GRIA4: variants seen among roughly 807,000 people sequenced by gnomAD.
The protein encoded by GRIA4 is glutamate receptor 4.
Under a neutral mutation model 104.0 loss-of-function variants are expected in GRIA4, and 34 were observed. That is an observed-to-expected ratio of 0.33 (90% CI 0.25 to 0.44). The LOEUF is 0.44. Ranked by LOEUF, GRIA4 falls within the 20% of genes least tolerant of loss-of-function variation. GRIA4 has a pLI of 1.00. For missense variants in GRIA4, 750 were observed against 1,096.5 expected (o/e 0.68, Z 4.46); for synonymous variants, 386 against 381.9 (o/e 1.01, Z -0.13).
intron 14 of GRIA4, among the ~76,000 whole-genome samples, chr11:105,951,808 A>C (rs774569325): frequency 1.3e-4 from 19 of 151,982 alleles, no homozygotes; most frequent in Non-Finnish European, 1.5e-5. Context: ...ATATACAAAA[A>C]TTAGCTGGGT....
chr11:105,630,487 C>T (rs886597217), intron 3 of GRIA4, among the ~76,000 whole-genome samples: 1 of 152,056 alleles, frequency 6.6e-6, no homozygotes, highest in Non-Finnish European at 1.5e-5. Flanking sequence ...TCGCTTGAAC[C>T]TGGGAGGCCA....
At chr11:105,894,564 T>C (rs1167043424) in intron 6 of GRIA4, among the ~76,000 whole-genome samples, 1 of 152,146 alleles carries the variant, frequency 6.6e-6, no homozygotes, top group South Asian at 2.1e-4. Flanking sequence ...GCCAGTAGAC[T>C]GATATATTTT....
At chr11:105,704,173 A>G (rs1360723166) in intron 3 of GRIA4, among the ~76,000 whole-genome samples, 2 of 152,000 alleles carry the variant, frequency 1.3e-5, no homozygotes. Flanking sequence ...TGCTGCTTGT[A>G]TTAGTCAACT....
chr11:105,719,286 A>T (rs1002296495), intron 3 of GRIA4, among the ~76,000 whole-genome samples: 12 of 152,134 alleles, frequency 7.9e-5, no homozygotes, highest in African/African-American at 2.7e-4. Flanking sequence ...TGTGATTGGC[A>T]TTAGGAACTA....
At chr11:105,811,443 GCCTCTGGTAGTAGCAGCTTCGAGGTC>G (rs1003112445) in intron 4 of GRIA4, among the ~76,000 whole-genome samples, 5 of 152,094 alleles carry the variant, frequency 3.3e-5, no homozygotes, top group Admixed American at 3.3e-4. Flanking sequence ...CCCAGAGGCA[GCCTCTGGTAGTAGCAGCTTCGAGGTC>G]CCATCCTGTC....
chr11:105,786,132 G>C (rs1246503003), intron 4 of GRIA4, among the ~76,000 whole-genome samples: 1 of 118,610 alleles, frequency 8.4e-6, no homozygotes, highest in Admixed American at 1.1e-4. Flanking sequence ...GCGACACAGT[G>C]AGACCCTTTC....
chr11:105,705,354 A>T (rs1165142235), intron 3 of GRIA4, among the ~76,000 whole-genome samples: 1 of 152,192 alleles, frequency 6.6e-6, no homozygotes, highest in Non-Finnish European at 1.5e-5. Flanking sequence ...CTTTAATTTC[A>T]TTATACAGTA....
At chr11:105,720,652 C>G (rs1035107201) in intron 3 of GRIA4, among the ~76,000 whole-genome samples, 1 of 152,146 alleles carries the variant, frequency 6.6e-6, no homozygotes, top group Admixed American at 6.5e-5. Context: ...ATCCCTTAGA[C>G]GTTTATGTTA....
At chr11:105,851,952 G>A (rs762309704) in intron 4 of GRIA4, among the ~76,000 whole-genome samples, 1 of 152,076 alleles carries the variant, frequency 6.6e-6, no homozygotes, top group South Asian at 2.1e-4. Flanking sequence ...TTTCTATATC[G>A]GCAGCCTCTG....
At chr11:105,819,760 T>A (rs957664296) in intron 4 of GRIA4, among the ~76,000 whole-genome samples, 1 of 152,124 alleles carries the variant, frequency 6.6e-6, no homozygotes, top group East Asian at 1.9e-4. Context: ...ATTACTATTA[T>A]CTCTGATATG....
At chr11:105,787,289 CCAAT>C (rs1321850675) in intron 4 of GRIA4, among the ~76,000 whole-genome samples, 2 of 151,758 alleles carry the variant, frequency 1.3e-5, no homozygotes, top group Non-Finnish European at 2.9e-5. Context: ...TTATTTTTCC[CCAAT>C]CAATTAAAGT....
At chr11:105,796,967 C>T (rs961418991) in intron 4 of GRIA4, among the ~76,000 whole-genome samples, 1 of 152,052 alleles carries the variant, frequency 6.6e-6, no homozygotes, top group Non-Finnish European at 1.5e-5. Flanking sequence ...CATGGTGGCT[C>T]ATATCTGTAA....
intron 4 of GRIA4, among the ~76,000 whole-genome samples, chr11:105,762,389 C>G (rs1940704632): frequency 6.6e-6 from 1 of 152,158 alleles, no homozygotes; most frequent in Non-Finnish European, 1.5e-5. Flanking sequence ...AAAAACGTTG[C>G]TGACAATTGT....
intron 4 of GRIA4, among the ~76,000 whole-genome samples, chr11:105,813,093 C>CAAAAAAAAA (rs58984237): frequency 3.7e-5 from 3 of 80,404 alleles, no homozygotes; most frequent in Admixed American, 1.6e-4. Context: ...GACTCCATCT[C>CAAAAAAAAA]AAAAAAAAAA....
chr11:105,788,281 C>G (rs1402369444), intron 4 of GRIA4, among the ~76,000 whole-genome samples: 1 of 151,988 alleles, frequency 6.6e-6, no homozygotes, highest in Non-Finnish European at 1.5e-5. Flanking sequence ...AAAAGGTATG[C>G]TTATACACTG....
intron 4 of GRIA4, among the ~76,000 whole-genome samples, chr11:105,793,823 G>A (rs563807397): frequency 6.6e-6 from 1 of 152,094 alleles, no homozygotes; most frequent in East Asian, 1.9e-4. Context: ...TACACAGGCA[G>A]AGAATGTCAC....
intron 4 of GRIA4, among the ~76,000 whole-genome samples, chr11:105,775,884 T>G (rs1565226806): frequency 6.6e-6 from 1 of 151,962 alleles, no homozygotes; most frequent in Admixed American, 6.6e-5. Context: ...TGAGAAAATT[T>G]TGTAATACAG....
At chr11:105,719,395 A>T (rs1254059531) in intron 3 of GRIA4, among the ~76,000 whole-genome samples, 1 of 152,138 alleles carries the variant, frequency 6.6e-6, no homozygotes, top group Non-Finnish European at 1.5e-5. Context: ...CTCTCATCAA[A>T]TTAGTAATCT....
At chr11:105,804,629 T>A (rs571487569) in intron 4 of GRIA4, among the ~76,000 whole-genome samples, 54 of 152,110 alleles carry the variant, frequency 3.6e-4, no homozygotes, top group Middle Eastern at 3.4e-3. Flanking sequence ...TTGGTTGGAA[T>A]GAAGGGAAAA....
Sources: allele counts gnomAD v4.1 joint callset (sites outside exome capture counted in the v4.1 genomes callset), GRCh38; gene constraint gnomAD v4.1.1; transcripts MANE v1.5; gene names NCBI Gene and HGNC (gene_info 2026-07-23, HGNC 2026-07-21).